PLAAT3: variants seen among roughly 807,000 people sequenced by gnomAD.
The protein encoded by PLAAT3 is phospholipase A and acyltransferase 3, also known as Ca-independent phospholipase A1/2.
In PLAAT3, 21 loss-of-function variants were observed where a neutral mutation model predicts 16.7. The ratio of observed to expected loss-of-function variants is 1.26; its 90% CI spans 0.89 to 1.81. The LOEUF (loss-of-function observed/expected upper bound fraction) is 1.81, where lower values mean the gene tolerates loss of function less well. PLAAT3 is among the 40% of genes most tolerant of loss of function. The pLI is 0.00. For missense variants in PLAAT3, 219 were observed against 213.7 expected, an observed-to-expected ratio of 1.02 and a Z score of -0.16; for synonymous variants, 76 against 81.7, an observed-to-expected ratio of 0.93 and a Z score of 0.38.
intron 4 of PLAAT3, among the ~76,000 whole-genome samples, chr11:63,582,671 G>T (rs979861473): frequency 1.3e-5 from 2 of 152,164 alleles, no homozygotes; most frequent in African/African-American, 4.8e-5. Flanking sequence ...TCAGTTCTGG[G>T]CACCTTGTGT....
At chr11:63,594,707 T>C (rs190137688) in intron 3 of PLAAT3, among the ~76,000 whole-genome samples, 6 of 152,236 alleles carry the variant, frequency 3.9e-5, no homozygotes, top group African/African-American at 1.4e-4. Context: ...CAGACAAAGC[T>C]GTAATGAGAT....
intron 2 of PLAAT3, among the ~76,000 whole-genome samples, chr11:63,604,467 T>G (rs906670548): frequency 6.6e-6 from 1 of 152,014 alleles, no homozygotes; most frequent in Non-Finnish European, 1.5e-5. Context: ...AATTTTCTTT[T>G]TAATTATATT....
At chr11:63,592,763 G>A (rs1938185061) in intron 3 of PLAAT3, among the ~76,000 whole-genome samples, 1 of 152,196 alleles carries the variant, frequency 6.6e-6, no homozygotes, top group Non-Finnish European at 1.5e-5. Flanking sequence ...ACAGGCAGCT[G>A]TGAGGATTAA....
upstream of PLAAT3, among the ~76,000 whole-genome samples, chr11:63,615,014 C>CAA (rs1285228067): frequency 1.8e-4 from 6 of 32,678 alleles, no homozygotes; most frequent in Admixed American, 5.4e-4. Context: ...AACTCAGTCT[C>CAA]AAAATATATA....
At chr11:63,598,957 C>T (rs561554996) in intron 2 of PLAAT3, among the ~76,000 whole-genome samples, 2 of 152,286 alleles carry the variant, frequency 1.3e-5, no homozygotes, top group African/African-American at 2.4e-5. Flanking sequence ...GCAGTAAATG[C>T]TCTCACCCTG....
At chr11:63,611,462 C>T (rs558196462) in intron 2 of PLAAT3, among the ~76,000 whole-genome samples, 1 of 152,294 alleles carries the variant, frequency 6.6e-6, no homozygotes, top group South Asian at 2.1e-4. Context: ...CACCAATTAG[C>T]ACATTTTTAT....
At chr11:63,585,238 T>C (rs1483384973) in intron 4 of PLAAT3, among the ~76,000 whole-genome samples, 1 of 152,138 alleles carries the variant, frequency 6.6e-6, no homozygotes, top group Non-Finnish European at 1.5e-5. Flanking sequence ...TTGGCCAGTA[T>C]GGTCTCGATC....
intron 4 of PLAAT3, among the ~76,000 whole-genome samples, chr11:63,584,850 A>G (rs556021355): frequency 2.0e-5 from 3 of 152,212 alleles, no homozygotes; most frequent in South Asian, 2.1e-4. Context: ...TGCTTCAAAG[A>G]GCTCAGCACA....
At chr11:63,604,695 G>A (rs751603762) in intron 2 of PLAAT3, among the ~76,000 whole-genome samples, 1 of 151,990 alleles carries the variant, frequency 6.6e-6, no homozygotes, top group South Asian at 2.1e-4. Flanking sequence ...CCTGAGAAGT[G>A]GAGCTTGCAG....
chr11:63,605,559 G>C (rs914289161), intron 2 of PLAAT3, among the ~76,000 whole-genome samples: 2 of 151,688 alleles, frequency 1.3e-5, no homozygotes, highest in East Asian at 3.9e-4. Flanking sequence ...TTTTGTTTTT[G>C]TTTTTGTTTT....
intron 2 of PLAAT3, among the ~76,000 whole-genome samples, chr11:63,604,364 A>C (rs1291732330): frequency 6.6e-6 from 1 of 152,182 alleles, no homozygotes; most frequent in African/African-American, 2.4e-5. Flanking sequence ...GGGAAAAAAT[A>C]CTCATGTTGA....
chr11:63,597,384 T>C (rs7116486), intron 3 of PLAAT3, among the ~76,000 whole-genome samples: 22,852 of 151,348 alleles, frequency 0.15, 1,795 homozygotes, highest in Middle Eastern at 0.22. Context: ...ATTAGCCAGG[T>C]GTGGTGGCAG....
In PLAAT3 at chr11:63,590,228, G is replaced by T; in HGVS notation, c.259C>A (p.Leu87Met). 6.2e-7 allele frequency: 1 copy of T among 1,614,260 alleles called. No homozygotes were observed. Among genetic ancestry groups the T allele is most frequent in the Non-Finnish European group, 8.5e-7 (1 of 1,180,050 alleles). Residue 87 changes from leucine to methionine, a missense_variant, in exon 4 of 5, where the codon CTG becomes ATG. Coordinates refer to ENST00000415826, the MANE Select transcript of PLAAT3 (RefSeq NM_001128203.2). ...CGCTGGATGATTTTGCTGCAGGGCA[G>T]CGGCGAGTACTTGTCATCATGTTTG... ...NNKHDDKYSPLPCSKIIQRAE... is the reference protein window; with the variant it reads ...NNKHDDKYSPMPCSKIIQRAE...
intron 4 of PLAAT3, among the ~76,000 whole-genome samples, chr11:63,588,972 CCAAG>C (rs1938057498): frequency 1.0e-5 from 1 of 97,092 alleles, no homozygotes; most frequent in Admixed American, 1.3e-4. Flanking sequence ...AATGGATGAG[CCAAG>C]CAAAAAAAAA....
At chr11:63,575,865 G>A (rs2017652366) in intron 4 of PLAAT3, among the ~76,000 whole-genome samples, 2 of 152,164 alleles carry the variant, frequency 1.3e-5, no homozygotes, top group Admixed American at 6.5e-5. Flanking sequence ...CTCTGGAAGT[G>A]GGAAAGAATG....
upstream of PLAAT3, among the ~76,000 whole-genome samples, chr11:63,615,156 A>ATG (rs568532248): frequency 0.018 from 539 of 30,736 alleles, 58 homozygotes; most frequent in East Asian, 0.047. Context: ...GTGTGTATAT[A>ATG]TGTGTATATA....
chr11:63,576,306 A>G (rs781744290), intron 4 of PLAAT3, among the ~76,000 whole-genome samples: 12 of 152,096 alleles, frequency 7.9e-5, no homozygotes, highest in African/African-American at 4.8e-5. Flanking sequence ...ACAGACTGAA[A>G]ACTGTTCAGC....
At chr11:63,615,388 GTGTATATATGTGTGTATA>G, upstream of PLAAT3, among the ~76,000 whole-genome samples, 1 of 54,770 alleles carries the variant, frequency 1.8e-5, no homozygotes, top group South Asian at 8.7e-4. Flanking sequence ...GTATATATAT[GTGTATATATGTGTGTATA>G]TGTGTGTGTG....
rs1273157520 is a variant in PLAAT3 at position 63,610,984 on chromosome 11, G to A, written c.15+3016C>T. Among the ~76,000 whole-genome samples the A allele has an allele frequency of 3.3e-5, 5 of 152,162 alleles. No individual in the cohort carries two copies. In the East Asian group the frequency reaches 9.7e-4, roughly 29 times the overall value. ...GATCCCCCAGGAGGCTCCTGGGGGC[G>A]GCTACAACAACTAACATAAAAGCCG... is the stretch of plus-strand genomic sequence containing the variant. On this transcript the variant is annotated intron_variant, in intron 2 of 4. Coordinates refer to ENST00000415826, the MANE Select transcript of PLAAT3 (RefSeq NM_001128203.2).
Sources: allele counts gnomAD v4.1 joint callset (sites outside exome capture counted in the v4.1 genomes callset), GRCh38; gene constraint gnomAD v4.1.1; transcripts MANE v1.5; gene names NCBI Gene and HGNC (gene_info 2026-07-23, HGNC 2026-07-21).